The following IGBP1C variants were observed in gnomAD, a reference collection of about 807,000 sequenced individuals.
IGBP1C encodes IGBP1 family member C.
the IGBP1C span, among the ~76,000 whole-genome samples, chr17:58,668,727 A>T: frequency 6.6e-6 from 1 of 152,200 alleles, no homozygotes; most frequent in African/African-American, 2.4e-5. Context: ...CAAGGGTGAC[A>T]TCTACAGAAA....
At chr17:58,671,460 G>A in the IGBP1C span, among the ~76,000 whole-genome samples, 1 of 152,056 alleles carries the variant, frequency 6.6e-6, no homozygotes, top group South Asian at 2.1e-4. Context: ...TCTTTCTCTT[G>A]GGGAGGGGGC....
the IGBP1C span, among the ~76,000 whole-genome samples, chr17:58,686,514 C>T: frequency 6.6e-6 from 1 of 151,970 alleles, no homozygotes; most frequent in African/African-American, 2.4e-5. Flanking sequence ...AGGGTCAGGG[C>T]TAGAAATACA....
At chr17:58,685,996 CA>C in the IGBP1C span, among the ~76,000 whole-genome samples, 207 of 82,624 alleles carry the variant, frequency 2.5e-3, no homozygotes, top group Middle Eastern at 8.3e-3. Flanking sequence ...CTCTGTCTCA[CA>C]AAAAAAAAAA....
At chr17:58,663,195 G>A in the IGBP1C span, among the ~76,000 whole-genome samples, 16 of 151,854 alleles carry the variant, frequency 1.1e-4, no homozygotes, top group Admixed American at 1.0e-3. Context: ...AGCCAAGGCA[G>A]ATGGATCACC....
At chr17:58,674,676 C>T in the IGBP1C span, among the ~76,000 whole-genome samples, 2 of 150,864 alleles carry the variant, frequency 1.3e-5, no homozygotes. Context: ...TCTCAAAAAA[C>T]GAATAGAAAC....
At chr17:58,664,873 C>T in the IGBP1C span, among the ~76,000 whole-genome samples, 5 of 152,052 alleles carry the variant, frequency 3.3e-5, no homozygotes, top group Non-Finnish European at 4.4e-5. Context: ...GCCTGTGGTA[C>T]GTAACAGATA....
chr17:58,665,416 C>T, the IGBP1C span, among the ~76,000 whole-genome samples: 1 of 151,956 alleles, frequency 6.6e-6, no homozygotes, highest in Non-Finnish European at 1.5e-5. Context: ...GCCTGACCAA[C>T]TTGCCTAAAC....
the IGBP1C span, among the ~76,000 whole-genome samples, chr17:58,687,397 T>C: frequency 2.0e-5 from 3 of 152,168 alleles, no homozygotes; most frequent in African/African-American, 7.2e-5. Flanking sequence ...GTCTCGTCTT[T>C]TATTCCCGCA....
chr17:58,664,293 A>G, the IGBP1C span, among the ~76,000 whole-genome samples: 1 of 152,158 alleles, frequency 6.6e-6, no homozygotes, highest in Non-Finnish European at 1.5e-5. Flanking sequence ...TGAGGCCTCT[A>G]TGATTATTTG....
chr17:58,672,775 G>A, the IGBP1C span, among the ~76,000 whole-genome samples: 2 of 151,160 alleles, frequency 1.3e-5, no homozygotes, highest in Non-Finnish European at 2.9e-5. Flanking sequence ...TCTGTCACCC[G>A]GGCTGGAGTG....
the IGBP1C span, chr17:58,661,180 A>T: frequency 1.2e-6 from 1 of 804,058 alleles, no homozygotes; most frequent in Non-Finnish European, 2.3e-6. Flanking sequence ...AGGTAATAGC[A>T]CCGTGATTTT....
the IGBP1C span, chr17:58,661,216 C>T: frequency 1.3e-6 from 1 of 796,358 alleles, no homozygotes; most frequent in East Asian, 2.4e-5. Flanking sequence ...TGGTTTGGGG[C>T]AGCTCAAACT....
At chr17:58,660,705 T>C in the IGBP1C span, 3 of 781,760 alleles carry the variant, frequency 3.8e-6, no homozygotes, top group South Asian at 4.0e-5. Flanking sequence ...TGTTGCTGAG[T>C]GGCTTTTCTG....
the IGBP1C span, chr17:58,660,847 C>A: frequency 1.3e-6 from 1 of 790,212 alleles, no homozygotes; most frequent in Non-Finnish European, 2.3e-6. Flanking sequence ...TGGCTTGCGC[C>A]ATGTTCCGAG....
chr17:58,661,762 T>C, the IGBP1C span: 6 of 552,184 alleles, frequency 1.1e-5, no homozygotes, highest in South Asian at 5.2e-5. Context: ...ACGGAGTCGG[T>C]TGTGCCGGGT....
chr17:58,685,186 C>T, the IGBP1C span, among the ~76,000 whole-genome samples: 1 of 151,264 alleles, frequency 6.6e-6, no homozygotes, highest in African/African-American at 2.4e-5. Flanking sequence ...TGTTTTGAAG[C>T]ACGTTGGGAG....
the IGBP1C span, chr17:58,661,148 A>G: frequency 2.0e-5 from 17 of 829,690 alleles, no homozygotes; most frequent in Non-Finnish European, 3.7e-5. Context: ...TGCCATAGCA[A>G]CGAGGCTAGG....
chr17:58,662,639 T>TC, the IGBP1C span, among the ~76,000 whole-genome samples: 2 of 152,114 alleles, frequency 1.3e-5, no homozygotes, highest in Non-Finnish European at 2.9e-5. Flanking sequence ...AGGTGTGCTG[T>TC]CCTAAGACAT....
the IGBP1C span, among the ~76,000 whole-genome samples, chr17:58,672,230 T>A: frequency 6.6e-6 from 1 of 152,110 alleles, no homozygotes; most frequent in African/African-American, 2.4e-5. Flanking sequence ...TGCGGCCTAG[T>A]TCCTAACAGG....
Sources: allele counts gnomAD v4.1 joint callset (sites outside exome capture counted in the v4.1 genomes callset), GRCh38; gene constraint gnomAD v4.1.1; transcripts MANE v1.5; gene names NCBI Gene and HGNC (gene_info 2026-07-23, HGNC 2026-07-21).